Variants in DYNC2I2 observed in about 807,000 individuals in gnomAD.
DYNC2I2 encodes the protein cytoplasmic dynein 2 intermediate chain 2.
Under a neutral mutation model 52.0 loss-of-function variants are expected in DYNC2I2, and 39 were observed. That is an observed-to-expected ratio of 0.75 (90% confidence interval 0.58 to 0.98). The LOEUF (loss-of-function observed/expected upper bound fraction) is 0.98. Among genes scored for constraint, DYNC2I2 ranks in the 50% least tolerant of loss-of-function variants. The pLI is 0.00. For missense variants in DYNC2I2, 743 were observed against 728.4 expected, an observed-to-expected ratio of 1.02 and a Z score of -0.23; for synonymous variants, 359 against 321.1, an observed-to-expected ratio of 1.12 and a Z score of -1.26.
At chr9:128,655,793 C>T (rs373504695) in intron 1 of DYNC2I2, among the ~76,000 whole-genome samples, 3 of 151,368 alleles carry the variant, frequency 2.0e-5, no homozygotes, top group East Asian at 3.9e-4. Flanking sequence ...CGCCTGTAGT[C>T]CCAGCTACTG....
the DYNC2I2 span, among the ~76,000 whole-genome samples, chr9:128,674,119 A>AT: frequency 2.0e-5 from 3 of 149,150 alleles, no homozygotes; most frequent in East Asian, 4.0e-4. Context: ...TCGCTAGCTA[A>AT]TTTTTTTTGT....
rs776597765 is a variant in DYNC2I2 at position 128,633,734 on chromosome 9, C to T, written c.*10G>A. On this transcript the variant is annotated 3_prime_UTR_variant, in exon 9 of 9. Coordinates refer to ENST00000372715, the MANE Select transcript of DYNC2I2 (RefSeq NM_052844.4). ...CACAGCGAAGGCTTGCACCCGCCTC[C>T]CGGGACCCCTCAGGCCGCCACCTCT... 6 of 1,611,288 alleles carry T rather than the reference C, an allele frequency of 3.7e-6. No individual in the cohort carries two copies. Among genetic ancestry groups the T allele is most frequent in the Non-Finnish European group, 5.1e-6 (6 of 1,179,520 alleles).
Position 128,643,776 on chromosome 9 carries a change from G to A in DYNC2I2, c.187-2837C>T, listed in dbSNP as rs1365977411. ...TCTGCACTGAGAACCTGTGGACGGG[G>A]CGTCCCCAGATGTGAGGTCACACTC... On this transcript the variant is annotated intron_variant, in intron 1 of 8. Coordinates refer to ENST00000372715, the MANE Select transcript of DYNC2I2 (RefSeq NM_052844.4). Among the ~76,000 whole-genome samples the A allele has an allele frequency of 2.0e-5, 3 of 152,182 alleles. No homozygotes were observed. The East Asian group carries it at 5.8e-4, about 29-fold the overall frequency.
At chr9:128,654,424 C>A (rs770159315) in intron 1 of DYNC2I2, among the ~76,000 whole-genome samples, 2 of 152,094 alleles carry the variant, frequency 1.3e-5, no homozygotes, top group Non-Finnish European at 2.9e-5. Flanking sequence ...ACTCTGACAG[C>A]CCCCACCTGA....
chr9:128,681,148 T>C, the DYNC2I2 span, among the ~76,000 whole-genome samples: 1 of 152,022 alleles, frequency 6.6e-6, no homozygotes, highest in Non-Finnish European at 1.5e-5. Context: ...TGGAGTGCAG[T>C]GGCGCAGTCT....
intron 1 of DYNC2I2, among the ~76,000 whole-genome samples, chr9:128,643,558 G>A (rs183422785): frequency 1.3e-4 from 19 of 151,766 alleles, no homozygotes; most frequent in East Asian, 3.9e-4. Flanking sequence ...CAGGCATGAC[G>A]GCGCATCCTG....
chr9:128,684,268 G>T, the DYNC2I2 span, among the ~76,000 whole-genome samples: 456 of 152,112 alleles, frequency 3.0e-3, 7 homozygotes, highest in East Asian at 0.034. Context: ...TTCCTCCTCT[G>T]GGGCTCCCTT....
upstream of DYNC2I2, among the ~76,000 whole-genome samples, chr9:128,659,267 G>A (rs1213407286): frequency 2.6e-5 from 4 of 151,740 alleles, no homozygotes; most frequent in Admixed American, 6.6e-5. Flanking sequence ...AGGCCGAGGC[G>A]GGCGGATCAC....
chr9:128,664,454 A>T, the DYNC2I2 span, among the ~76,000 whole-genome samples: 1 of 151,924 alleles, frequency 6.6e-6, no homozygotes, highest in South Asian at 2.1e-4. Context: ...TGTGTAGGCA[A>T]TTGTTCTAAA....
chr9:128,635,591 G>T, intron 5 of DYNC2I2, 67 bp downstream of exon 5: 1 of 1,433,606 alleles, frequency 7.0e-7, no homozygotes, highest in Non-Finnish European at 9.6e-7. Context: ...GACCTTCCTA[G>T]GAGAGTGGGC....
At chr9:128,672,755 C>T in the DYNC2I2 span, among the ~76,000 whole-genome samples, 11 of 152,262 alleles carry the variant, frequency 7.2e-5, no homozygotes, top group East Asian at 1.9e-4. Flanking sequence ...TGGCCGGGCG[C>T]GGTGGCTCAC....
the DYNC2I2 span, among the ~76,000 whole-genome samples, chr9:128,664,095 T>C: frequency 9.2e-5 from 14 of 151,884 alleles, no homozygotes; most frequent in East Asian, 2.5e-3. Flanking sequence ...ATAGCTGGGA[T>C]TACAGGTGGC....
the DYNC2I2 span, among the ~76,000 whole-genome samples, chr9:128,667,207 T>A: frequency 5.9e-5 from 9 of 151,878 alleles, no homozygotes; most frequent in Non-Finnish European, 1.0e-4. Context: ...TCAAAAAAAA[T>A]AATAATAATA....
At chr9:128,648,998 T>C (rs1053903319) in intron 1 of DYNC2I2, among the ~76,000 whole-genome samples, 10 of 152,060 alleles carry the variant, frequency 6.6e-5, no homozygotes, top group Non-Finnish European at 1.5e-4. Context: ...CATGGAAAAC[T>C]ACAGGAGACT....
chr9:128,684,084 C>A, the DYNC2I2 span: 9 of 1,204,446 alleles, frequency 7.5e-6, no homozygotes, highest in South Asian at 8.1e-5. Flanking sequence ...ACCCCCCAAT[C>A]CCTCTTGAGA....
the DYNC2I2 span, chr9:128,683,778 A>G: frequency 1.2e-6 from 1 of 803,844 alleles, no homozygotes; most frequent in East Asian, 2.8e-5. Flanking sequence ...TATCCCTTCC[A>G]GGCAGGGCGG....
rs201326058 is a variant in DYNC2I2, at chr9:128,634,785, C to T, written c.1118G>A (p.Arg373Gln). 5.6e-6 allele frequency: 9 copies of T among 1,610,658 alleles called. No individual in the cohort carries two copies. The highest frequency in any genetic ancestry group is 2.7e-5 in the African/African-American group (2 of 74,876). ...SLAAGEAALTRMPSSVPLRAP... is the reference protein window; with the variant it reads ...SLAAGEAALTQMPSSVPLRAP... ...CCGCAGGGGCACGGAGCTGGGCATC[C>T]GCGTGAGGGCTGCCTCTCCAGCTGC... Residue 373 changes from arginine to glutamine, a missense_variant, in exon 7 of 9, where the codon CGG becomes CAG. Transcript: ENST00000372715.
chr9:128,636,695 C>A (rs1363332970), intron 3 of DYNC2I2, among the ~76,000 whole-genome samples: 1 of 152,178 alleles, frequency 6.6e-6, no homozygotes, highest in Non-Finnish European at 1.5e-5. Flanking sequence ...GCGAGGCAGG[C>A]AGGCCCAGGG....
At chr9:128,661,170 T>G (rs896152541), upstream of DYNC2I2, among the ~76,000 whole-genome samples, 1 of 150,606 alleles carries the variant, frequency 6.6e-6, no homozygotes. Flanking sequence ...GGTGAAACCC[T>G]GTCTCTACTA....
Sources: gnomAD v4.1 joint callset for allele counts (sites outside exome capture counted in the v4.1 genomes callset) on GRCh38, gnomAD v4.1.1 for gene constraint, MANE v1.5 for transcripts, NCBI Gene and HGNC (gene_info 2026-07-23, HGNC 2026-07-21) for gene names.